The following PDSS2 variants were observed in gnomAD, a reference collection of about 807,000 sequenced individuals.
PDSS2 encodes decaprenyl diphosphate synthase subunit 2.
A neutral mutation model predicts 44.5 loss-of-function variants in PDSS2; 31 were observed. The ratio of observed to expected loss-of-function variants is 0.70; its 90% CI spans 0.52 to 0.94. PDSS2 has a LOEUF of 0.94. Among genes scored for constraint, PDSS2 ranks in the 40% least tolerant of loss-of-function variants. PDSS2 has a pLI of 0.00. For missense variants in PDSS2, 452 were observed against 482.2 expected (o/e 0.94, Z 0.59); for synonymous variants, 157 against 180.3 (o/e 0.87, Z 1.03).
chr6:107,313,125 G>T (rs142672178), intron 2 of PDSS2, among the ~76,000 whole-genome samples: 4 of 152,006 alleles, frequency 2.6e-5, no homozygotes, highest in African/African-American at 9.7e-5. Context: ...GATTCTCTAG[G>T]CCTACTCCAG....
chr6:107,170,116 T>C (rs1012022365), intron 7 of PDSS2, among the ~76,000 whole-genome samples: 1 of 152,198 alleles, frequency 6.6e-6, no homozygotes, highest in Admixed American at 6.5e-5. Flanking sequence ...TGAGCAGCGG[T>C]GGGCTTCACC....
intron 1 of PDSS2, among the ~76,000 whole-genome samples, chr6:107,349,258 C>T (rs984736031): frequency 1.1e-4 from 17 of 152,160 alleles, no homozygotes; most frequent in African/African-American, 4.1e-4. Flanking sequence ...CGGTGAAACC[C>T]CGTCTCTACT....
At chr6:107,411,520 A>G (rs1310357158) in intron 1 of PDSS2, among the ~76,000 whole-genome samples, 1 of 152,170 alleles carries the variant, frequency 6.6e-6, no homozygotes, top group African/African-American at 2.4e-5. Context: ...CATCTATACA[A>G]TTGGCCCTCC....
At position 107,449,565 on chromosome 6, in the gene PDSS2, C is replaced by T. The variant is rs142502707; in HGVS notation, c.296+9425G>A. Among the ~76,000 whole-genome samples, 835 of 152,274 alleles carry T rather than the reference C, an allele frequency of 5.5e-3. 7 individuals are homozygous for T. Among genetic ancestry groups the T allele is most frequent in the African/African-American group, 0.018 (764 of 41,550 alleles). On this transcript the variant is annotated intron_variant, in intron 1 of 7. Transcript: ENST00000369037. ...ACAGTATTTGTCCTTTTGTGACTGG[C>T]TTATTTCACTTAGCATAATGTCCTC...
chr6:107,235,158 G>GTC (rs951289058), intron 4 of PDSS2, among the ~76,000 whole-genome samples: 1 of 152,210 alleles, frequency 6.6e-6, no homozygotes, highest in African/African-American at 2.4e-5. Context: ...GAACCTGGAT[G>GTC]TCTAGAGAAG....
intron 3 of PDSS2, among the ~76,000 whole-genome samples, chr6:107,257,163 G>C (rs574270440): frequency 6.6e-6 from 1 of 152,094 alleles, no homozygotes; most frequent in Admixed American, 6.6e-5. Flanking sequence ...CTGGGTGACA[G>C]AGCGAGACTC....
At position 107,264,838 on chromosome 6, in the gene PDSS2, C is replaced by T. The variant is rs370875674; in HGVS notation, c.630+9191G>A. Among the ~76,000 whole-genome samples the T allele has an allele frequency of 1.6e-3, 237 of 152,296 alleles. 1 individual carries two copies. Among genetic ancestry groups the T allele is most frequent in the South Asian group, 6.4e-3 (31 of 4,812 alleles). On this transcript the variant is annotated intron_variant, in intron 3 of 7. Transcript: ENST00000369037. ...TTCTGGCATGACCACATCACTACAG[C>T]ATCCAGTGATGTTCTACATGGACAC...
chr6:107,359,007 C>CTTTTTTT lies in PDSS2; in HGVS notation c.297-24682_297-24676dup, dbSNP rs59632305. Among the ~76,000 whole-genome samples, 111 of 93,040 alleles carry CTTTTTTT rather than the reference C, an allele frequency of 1.2e-3. 1 individual carries two copies. Among genetic ancestry groups the CTTTTTTT allele is most frequent in the African/African-American group, 2.7e-3 (64 of 23,594 alleles). 61.0% of individuals were successfully genotyped at this position (93,040 alleles called of 152,430 possible). ...AATCAGGAGCTTTAGCATTCTCGCT[C>CTTTTTTT]TTTTTTTTTTTTTTTTTTTTTGAGA... is the stretch of plus-strand genomic sequence containing the variant. On this transcript the variant is annotated intron_variant, in intron 1 of 7. Transcript: ENST00000369037.
chr6:107,153,241 G>T lies in PDSS2; in HGVS notation c.*1378C>A, dbSNP rs1770770414. On this transcript the variant is annotated 3_prime_UTR_variant, in exon 8 of 8. Transcript: ENST00000369037. ...CCACATGAGGAAGAAAGGTAGCTGA[G>T]TTTCAATCTAGATCATTTATGTAAA... is the stretch of plus-strand genomic sequence containing the variant. 1 of 152,620 alleles carries T rather than the reference G, an allele frequency of 6.6e-6. No individual in the cohort carries two copies. The highest frequency in any genetic ancestry group is 1.5e-5 in the Non-Finnish European group (1 of 68,054). 9.5% of individuals were successfully genotyped at this position (152,620 alleles called of 1,614,324 possible).
chr6:107,212,020 T>C, intron 5 of PDSS2, 89 bp downstream of exon 5: 1 of 1,097,236 alleles, frequency 9.1e-7, no homozygotes, highest in Non-Finnish European at 1.4e-6. Context: ...TTTTGAAATA[T>C]AAAAGAAGCT....
chr6:107,321,690 A>G (rs1292121419), intron 2 of PDSS2, among the ~76,000 whole-genome samples: 2 of 152,168 alleles, frequency 1.3e-5, no homozygotes, highest in Non-Finnish European at 2.9e-5. Flanking sequence ...CTGTGCCTCT[A>G]CATTTATTGA....
intron 1 of PDSS2, among the ~76,000 whole-genome samples, chr6:107,335,161 CAA>C (rs765731620): frequency 6.2e-5 from 4 of 64,158 alleles, no homozygotes; most frequent in East Asian, 4.7e-4. Context: ...ACTCTGTTTC[CAA>C]AAAAAAAAAA....
chr6:107,391,872 A>T (rs1779794777), intron 1 of PDSS2, among the ~76,000 whole-genome samples: 1 of 147,650 alleles, frequency 6.8e-6, no homozygotes, highest in African/African-American at 2.5e-5. Flanking sequence ...TTAAGACTCA[A>T]GCAAGTCAAA....
At chr6:107,239,326 C>T (rs778528637) in intron 4 of PDSS2, among the ~76,000 whole-genome samples, 31 of 152,080 alleles carry the variant, frequency 2.0e-4, no homozygotes, top group Admixed American at 3.3e-4. Flanking sequence ...AAAGTAAATG[C>T]CCCCAAAATG....
rs75622118 is a variant in PDSS2, at chr6:107,212,587, C to T, written c.703-305G>A. On this transcript the variant is annotated intron_variant, in intron 4 of 7. Coordinates refer to ENST00000369037, the MANE Select transcript of PDSS2 (RefSeq NM_020381.4). ...AAAAAGTAGAAAGACTTCAAACTAA[C>T]TCCCTTCTATAGTCAATATCAGTTC... Among the ~76,000 whole-genome samples the T allele has an allele frequency of 0.041, 6,212 of 152,290 alleles. 221 individuals carry two copies. Among genetic ancestry groups the T allele is most frequent in the South Asian group, 0.14 (680 of 4,830 alleles).
intron 1 of PDSS2, among the ~76,000 whole-genome samples, chr6:107,379,957 GT>G (rs562237479): frequency 3.7e-4 from 56 of 151,288 alleles, no homozygotes; most frequent in Middle Eastern, 3.4e-3. Context: ...TCTATTATCA[GT>G]TTTTTTTGAA....
chr6:107,385,384 T>A (rs1174547747), intron 1 of PDSS2, among the ~76,000 whole-genome samples: 6 of 151,586 alleles, frequency 4.0e-5, no homozygotes, highest in Admixed American at 3.9e-4. Context: ...GCAGAGTTAA[T>A]ACAAAACACA....
At chr6:107,303,793 C>T (rs185123359) in intron 2 of PDSS2, among the ~76,000 whole-genome samples, 4 of 152,208 alleles carry the variant, frequency 2.6e-5, no homozygotes, top group Admixed American at 2.6e-4. Flanking sequence ...TACATATATC[C>T]ATGTGCATAT....
intron 1 of PDSS2, among the ~76,000 whole-genome samples, chr6:107,452,016 TTTC>T (rs945809330): frequency 2.0e-5 from 3 of 152,146 alleles, no homozygotes; most frequent in Non-Finnish European, 4.4e-5. Flanking sequence ...TTTTCTTTTC[TTTC>T]TTCTTCTTTT....
Sources: allele counts gnomAD v4.1 joint callset (sites outside exome capture counted in the v4.1 genomes callset), GRCh38; gene constraint gnomAD v4.1.1; transcripts MANE v1.5; gene names NCBI Gene and HGNC (gene_info 2026-07-23, HGNC 2026-07-21).